Variants in CYTH1 observed in about 807,000 individuals in gnomAD.
CYTH1 encodes cytohesin 1, also known as cytohesin-1.
Under a neutral mutation model 61.8 loss-of-function variants are expected in CYTH1, and 18 were observed. The ratio of observed to expected loss-of-function variants is 0.29; its 90% confidence interval spans 0.20 to 0.43. The LOEUF is 0.43. Among genes scored for constraint, CYTH1 ranks in the 20% least tolerant of loss-of-function variants. The pLI is 1.00. For missense variants in CYTH1, 336 were observed against 510.5 expected, an observed-to-expected ratio of 0.66 and a Z score of 3.29; for synonymous variants, 174 against 184.3, an observed-to-expected ratio of 0.94 and a Z score of 0.45.
chr17:78,694,553 C>T (rs2092919840), intron 10 of CYTH1, among the ~76,000 whole-genome samples: 1 of 152,160 alleles, frequency 6.6e-6, no homozygotes, highest in South Asian at 2.1e-4. Context: ...AAAGGAACCC[C>T]CTCCACCAAT....
intron 1 of CYTH1, among the ~76,000 whole-genome samples, chr17:78,760,355 T>A (rs1370522863): frequency 7.7e-5 from 4 of 52,270 alleles, no homozygotes; most frequent in African/African-American, 2.2e-4. Flanking sequence ...AATAGCAGGT[T>A]TATATATATA....
chr17:78,680,376 A>T (rs758115651), intron 12 of CYTH1, 32 bp from the exon 13 acceptor site: 24 of 1,584,082 alleles, frequency 1.5e-5, no homozygotes, highest in Non-Finnish European at 1.7e-5. Flanking sequence ...GAGAGAGTGG[A>T]GCAAAGGAAG....
chr17:78,760,507 G>GTA lies in CYTH1; in HGVS notation c.22+21693_22+21694dup, dbSNP rs538557662. On this transcript the variant is annotated intron_variant, in intron 1 of 13. Coordinates refer to ENST00000446868, the MANE Select transcript of CYTH1 (RefSeq NM_004762.6). ...TATGTATATATATATACATATATAT[G>GTA]TATATATATGTATATATATATATAC... Among the ~76,000 whole-genome samples the GTA allele has an allele frequency of 6.3e-4, 18 of 28,530 alleles. 1 individual carries two copies. The highest frequency in any genetic ancestry group is 1.0e-3 in the African/African-American group (7 of 6,882). The allele number at this position is 28,530 out of a possible 152,430, so 18.7% of individuals were successfully genotyped here.
intron 1 of CYTH1, among the ~76,000 whole-genome samples, chr17:78,778,067 C>G (rs1483855400): frequency 2.0e-5 from 3 of 151,930 alleles, no homozygotes; most frequent in African/African-American, 7.3e-5. Context: ...CTTTGAGAGG[C>G]TGAAGCAGGC....
In CYTH1 at chr17:78,675,837, G is replaced by A. The variant is rs1390651885; in HGVS notation, c.*254C>T. On this transcript the variant is annotated 3_prime_UTR_variant, in exon 14 of 14. Coordinates refer to ENST00000446868, the MANE Select transcript of CYTH1 (RefSeq NM_004762.6). Reference sequence around the variant, plus strand: ...AAACTGGCCAGGAGGCTGCCCTGCCGACAAGAGCTCTGCCCTGTGAGAGAG... The same window carrying A: ...AAACTGGCCAGGAGGCTGCCCTGCCAACAAGAGCTCTGCCCTGTGAGAGAG... 1.2e-5 allele frequency: 17 copies of A among 1,441,458 alleles called. No individual in the cohort carries two copies. Among genetic ancestry groups the A allele is most frequent in the African/African-American group, 8.6e-5 (6 of 69,600 alleles). 89.3% of individuals were successfully genotyped at this position (1,441,458 alleles called of 1,614,324 possible). A position where few individuals can be genotyped will look rare whatever the true frequency, so the allele number is the denominator to read the frequency against.
At chr17:78,754,983 T>C (rs2093394888) in intron 1 of CYTH1, among the ~76,000 whole-genome samples, 1 of 151,988 alleles carries the variant, frequency 6.6e-6, no homozygotes. Flanking sequence ...AGTGAAAACA[T>C]ATCCACATAA....
chr17:78,771,698 T>C lies in CYTH1; in HGVS notation c.22+10504A>G, dbSNP rs188926745. On this transcript the variant is annotated intron_variant, in intron 1 of 13. Coordinates refer to ENST00000446868, the MANE Select transcript of CYTH1 (RefSeq NM_004762.6). ...GTGAGCTGAGATTGCGCCATTGCAC[T>C]CCAGCCTGGTGACAGAGCGAGATTC... 1.3e-3 allele frequency among the ~76,000 whole-genome samples: 182 copies of C among 143,570 alleles called. 1 individual carries two copies. Among genetic ancestry groups the C allele is most frequent in the African/African-American group, 4.6e-3 (176 of 38,068 alleles). 94.2% of individuals were successfully genotyped at this position (143,570 alleles called of 152,430 possible). A position where few individuals can be genotyped will look rare whatever the true frequency, so the allele number is the denominator to read the frequency against.
intron 1 of CYTH1, among the ~76,000 whole-genome samples, chr17:78,781,294 A>G (rs1342408999): frequency 6.6e-6 from 1 of 152,136 alleles, no homozygotes; most frequent in Non-Finnish European, 1.5e-5. Flanking sequence ...CACTTGTTCT[A>G]TTTGCCATTC....
intron 1 of CYTH1, among the ~76,000 whole-genome samples, chr17:78,743,259 G>A (rs1014074840): frequency 2.0e-5 from 3 of 152,118 alleles, no homozygotes; most frequent in Non-Finnish European, 2.9e-5. Flanking sequence ...CGGTGGGATG[G>A]TAGAGAATTC....
intron 1 of CYTH1, among the ~76,000 whole-genome samples, chr17:78,712,945 T>G (rs2093148791): frequency 6.6e-6 from 1 of 151,898 alleles, no homozygotes; most frequent in Non-Finnish European, 1.5e-5. Context: ...ACACCTGCTC[T>G]CCAGTCCCAT....
Position 78,689,880 on chromosome 17 carries a change from G to A in CYTH1, c.891+2537C>T, listed in dbSNP as rs116571411. On this transcript the variant is annotated intron_variant, in intron 11 of 13. Transcript: ENST00000446868. Reference sequence around the variant, plus strand: ...CTCCTCCCAGACCTGAGAAACCAGCGAGACTGCCGGGTCTCCTCAAATCCT... The same window carrying A: ...CTCCTCCCAGACCTGAGAAACCAGCAAGACTGCCGGGTCTCCTCAAATCCT... Among the ~76,000 whole-genome samples, 651 of 152,028 alleles carry A rather than the reference G, an allele frequency of 4.3e-3. 2 individuals carry two copies. The highest frequency in any genetic ancestry group is 0.014 in the African/African-American group (599 of 41,444).
intron 10 of CYTH1, among the ~76,000 whole-genome samples, chr17:78,693,544 C>T (rs991947496): frequency 2.6e-5 from 4 of 151,058 alleles, no homozygotes; most frequent in Non-Finnish European, 5.9e-5. Context: ...GTCACTTGAA[C>T]TGGGAGGTGG....
intron 1 of CYTH1, among the ~76,000 whole-genome samples, chr17:78,740,975 G>C (rs2093339752): frequency 6.6e-6 from 1 of 152,006 alleles, no homozygotes; most frequent in South Asian, 2.1e-4. Flanking sequence ...AATAATCTAG[G>C]GCCTCAGAGC....
rs1452269324 is a variant in CYTH1 at position 78,676,138 on chromosome 17, T to C, written c.1150A>G (p.Met384Val). Reference sequence around the variant, plus strand: ...ACCTTCTTTTTCCGTGCTGCGAGCATTTCGTAGAAAGGGTCCCTGCTGATG... The same window carrying C: ...ACCTTCTTTTTCCGTGCTGCGAGCACTTCGTAGAAAGGGTCCCTGCTGATG... ...AAISRDPFYEMLAARKKKVSS... is the reference protein window; with the variant it reads ...AAISRDPFYEVLAARKKKVSS... Residue 384 changes from methionine (M) to valine (V), a missense_variant, in exon 14 of 14, where the codon ATG (methionine) becomes GTG (valine). Transcript: ENST00000446868. The C allele has an allele frequency of 6.2e-7, 1 of 1,611,182 alleles. No individual in the cohort carries two copies. The highest frequency in any genetic ancestry group is 1.1e-5 in the South Asian group (1 of 90,110).
intron 13 of CYTH1, chr17:78,676,694 T>G: frequency 3.1e-6 from 1 of 318,612 alleles, no homozygotes; most frequent in Non-Finnish European, 6.1e-6. Flanking sequence ...AGCACGATGC[T>G]GCTGGTGGGG....
chr17:78,709,424 G>A (rs2093104139), intron 2 of CYTH1: 6 of 508,736 alleles, frequency 1.2e-5, no homozygotes, highest in East Asian at 3.2e-5. Context: ...TCCGACAACC[G>A]ACCAACTGGG....
chr17:78,711,369 CT>C (rs1567852255), intron 1 of CYTH1, among the ~76,000 whole-genome samples: 1 of 151,250 alleles, frequency 6.6e-6, no homozygotes, highest in East Asian at 1.9e-4. Flanking sequence ...AGGAAAATGA[CT>C]TTTTAATAAT....
intron 1 of CYTH1, among the ~76,000 whole-genome samples, chr17:78,712,895 G>T (rs2093148474): frequency 2.0e-5 from 3 of 151,746 alleles, no homozygotes; most frequent in Admixed American, 6.6e-5. Context: ...TCACTCAGGT[G>T]TGTGTATTGG....
At chr17:78,683,246 C>A (rs961258711) in intron 11 of CYTH1, among the ~76,000 whole-genome samples, 2 of 152,170 alleles carry the variant, frequency 1.3e-5, no homozygotes, top group East Asian at 3.9e-4. Flanking sequence ...GTGGACCCTT[C>A]TTCTTCCTGG....
Sources: allele counts gnomAD v4.1 joint callset (sites outside exome capture counted in the v4.1 genomes callset), GRCh38; gene constraint gnomAD v4.1.1; transcripts MANE v1.5; gene names NCBI Gene and HGNC (gene_info 2026-07-23, HGNC 2026-07-21).